NOMO3: variants seen among roughly 807,000 people sequenced by gnomAD.
NOMO3 encodes the protein NODAL modulator 3.
NOMO3 carries 15 observed loss-of-function variants against 69.9 expected under a neutral mutation model. That is an observed-to-expected ratio of 0.21 (90% CI 0.14 to 0.33). NOMO3 has a LOEUF of 0.33. Among genes scored for constraint, NOMO3 ranks in the 10% least tolerant of loss-of-function variants. NOMO3 has a pLI of 1.00. For missense variants in NOMO3, 218 were observed against 761.0 expected (o/e 0.29, Z 8.39); for synonymous variants, 89 against 301.9 (o/e 0.29, Z 7.31).
chr16:16,254,979 C>G (rs992264827), intron 9 of NOMO3, among the ~76,000 whole-genome samples: 1 of 143,732 alleles, frequency 7.0e-6, no homozygotes, highest in Non-Finnish European at 1.5e-5. Context: ...CTGGCACTAT[C>G]TTGGCTCACT....
At chr16:16,265,501 T>G (rs1254571593) in intron 15 of NOMO3, among the ~76,000 whole-genome samples, 1 of 137,230 alleles carries the variant, frequency 7.3e-6, no homozygotes, top group Non-Finnish European at 1.5e-5. Flanking sequence ...ATTTACTGCT[T>G]CTCAGCCTCA....
At chr16:16,254,657 CCATGAGGTAA>C (rs1338263455) in intron 9 of NOMO3, among the ~76,000 whole-genome samples, 4 of 143,056 alleles carry the variant, frequency 2.8e-5, no homozygotes, top group Non-Finnish European at 5.9e-5. Context: ...GTCCCTGTCT[CCATGAGGTAA>C]CATGCTAGTG....
intron 16 of NOMO3, among the ~76,000 whole-genome samples, chr16:16,269,133 C>T (rs1457399883): frequency 2.1e-5 from 3 of 144,094 alleles, no homozygotes; most frequent in Non-Finnish European, 3.0e-5. Flanking sequence ...CCTTCTTACC[C>T]ATCAGTTCAG....
chr16:16,244,264 T>C (rs1426866343), intron 4 of NOMO3, among the ~76,000 whole-genome samples: 1 of 142,028 alleles, frequency 7.0e-6, no homozygotes, highest in Non-Finnish European at 1.5e-5. Context: ...GGTAGTTTTT[T>C]CTTTATCGAT....
At position 16,232,827 on chromosome 16, in the gene NOMO3, T is replaced by A. The variant is rs2049293959; in HGVS notation, c.161T>A (p.Ile54Asn). The A allele has an allele frequency of 1.3e-5, 5 of 396,734 alleles. No individual in the cohort carries two copies. Among genetic ancestry groups the A allele is most frequent in the Non-Finnish European group, 1.8e-5 (5 of 281,546 alleles). 24.6% of individuals were successfully genotyped at this position (396,734 alleles called of 1,614,324 possible). ...KSDVEINYSLIEIKLYTKHGT... is the reference protein window; with the variant it reads ...KSDVEINYSLNEIKLYTKHGT... ...GACGTGGAGATCAACTACTCTCTCATCGAGGTGAGCGCCCGCCCCGCCGCC... is the reference window on the plus strand; with the variant it reads ...GACGTGGAGATCAACTACTCTCTCAACGAGGTGAGCGCCCGCCCCGCCGCC... Residue 54 changes from isoleucine (I) to asparagine (N), a missense_variant, in exon 1 of 31, where the codon ATC (isoleucine) becomes AAC (asparagine). Ile to Asn is a moderately radical substitution (Grantham distance 149). Coordinates refer to ENST00000399336, the MANE Select transcript of NOMO3 (RefSeq NM_001004067.4).
Position 16,250,113 on chromosome 16 carries a change from A to C in NOMO3, c.583-815A>C, listed in dbSNP as rs1392984688. ...CGGACAGAAAGTGGAAGTGAGGTACAGAAACAGTTGGATTGGTTACAGCTG... is the reference window on the plus strand; with the variant it reads ...CGGACAGAAAGTGGAAGTGAGGTACCGAAACAGTTGGATTGGTTACAGCTG... On this transcript the variant is annotated intron_variant, in intron 6 of 30. Transcript: ENST00000399336. Among the ~76,000 whole-genome samples, 2 of 130,356 alleles carry C rather than the reference A, an allele frequency of 1.5e-5. 1 individual carries two copies. The highest frequency in any genetic ancestry group is 3.1e-5 in the Non-Finnish European group (2 of 64,842). 85.5% of individuals were successfully genotyped at this position (130,356 alleles called of 152,430 possible).
chr16:16,263,736 A>G, intron 14 of NOMO3, 92 bp downstream of exon 14: 1 of 380,400 alleles, frequency 2.6e-6, no homozygotes, highest in South Asian at 2.4e-5. Context: ...TATCACGACC[A>G]TGTACCTTTC....
At chr16:16,248,395 CTTTTTTTTTT>C (rs1243080622) in intron 6 of NOMO3, among the ~76,000 whole-genome samples, 3 of 65,308 alleles carry the variant, frequency 4.6e-5, no homozygotes, top group Non-Finnish European at 8.9e-5. Flanking sequence ...CAGATACAGT[CTTTTTTTTTT>C]TTTTTTTTTT....
At chr16:16,234,728 AG>A (rs2049312238) in intron 1 of NOMO3, among the ~76,000 whole-genome samples, 1 of 150,330 alleles carries the variant, frequency 6.7e-6, no homozygotes, top group Non-Finnish European at 1.5e-5. Context: ...CCTTGTCCCC[AG>A]TGTGGATATA....
chr16:16,249,934 T>C (rs2049449130), intron 6 of NOMO3, among the ~76,000 whole-genome samples: 1 of 141,400 alleles, frequency 7.1e-6, no homozygotes, highest in African/African-American at 2.9e-5. Flanking sequence ...TATACACATA[T>C]TGTGAAAAGA....
intron 3 of NOMO3, among the ~76,000 whole-genome samples, chr16:16,241,500 G>A (rs935299778): frequency 3.2e-5 from 4 of 125,444 alleles, no homozygotes; most frequent in Non-Finnish European, 6.4e-5. Flanking sequence ...ACTTCTGCCC[G>A]GGTTCAAGCA....
At chr16:16,265,465 T>G (rs1465238723) in intron 15 of NOMO3, among the ~76,000 whole-genome samples, 1 of 138,436 alleles carries the variant, frequency 7.2e-6, no homozygotes, top group Non-Finnish European at 1.5e-5. Context: ...TTTATATTAT[T>G]AGTAATAATA....
At chr16:16,255,340 T>C (rs898060925) in intron 9 of NOMO3, among the ~76,000 whole-genome samples, 3 of 139,884 alleles carry the variant, frequency 2.1e-5, no homozygotes, top group Non-Finnish European at 4.5e-5. Flanking sequence ...TCATCCAAAG[T>C]GATGCCGGGG....
intron 9 of NOMO3, among the ~76,000 whole-genome samples, chr16:16,254,449 G>A (rs2049492896): frequency 7.1e-6 from 1 of 141,452 alleles, no homozygotes; most frequent in Non-Finnish European, 1.5e-5. Flanking sequence ...CCTGTCATGT[G>A]AGACCATCAC....
chr16:16,243,437 G>A (rs1314692417), intron 4 of NOMO3, among the ~76,000 whole-genome samples, 176 bp downstream of exon 4: 1 of 143,894 alleles, frequency 6.9e-6, no homozygotes. Context: ...CACAGCAGGT[G>A]TATTTAGGAA....
chr16:16,268,993 G>A (rs1298413649), intron 16 of NOMO3, among the ~76,000 whole-genome samples: 2 of 138,584 alleles, frequency 1.4e-5, no homozygotes, highest in African/African-American at 3.1e-5. Context: ...GGCTGAGCAC[G>A]TTGCCACCCT....
chr16:16,236,486 G>T (rs1174580456), intron 1 of NOMO3, among the ~76,000 whole-genome samples: 4 of 143,870 alleles, frequency 2.8e-5, no homozygotes, highest in Non-Finnish European at 5.9e-5. Flanking sequence ...GACCTTAAGT[G>T]ATCTGCCCAC....
rs1357158862 is a variant in NOMO3, at chr16:16,267,646, C to G, written c.1894+515C>G. The stretch of plus-strand genomic sequence containing the variant: ...GATGGGTTTCACCACATTGTCCAGG[C>G]TGGTCTCAAACTCCTGACCTAAAGT... On this transcript the variant is annotated intron_variant, in intron 16 of 30. Coordinates refer to ENST00000399336, the MANE Select transcript of NOMO3 (RefSeq NM_001004067.4). Among the ~76,000 whole-genome samples, 37 of 139,836 alleles carry G rather than the reference C, an allele frequency of 2.6e-4. 9 individuals carry two copies. The East Asian group carries it at 8.1e-3, about 31-fold the overall frequency. The allele number at this position is 139,836 out of a possible 152,430, so 91.7% of individuals were successfully genotyped here.
chr16:16,256,199 C>T (rs1425600243), intron 11 of NOMO3, 41 bp downstream of exon 11: 2 of 1,578,840 alleles, frequency 1.3e-6, no homozygotes, highest in African/African-American at 1.6e-5. Flanking sequence ...AGTAAATATG[C>T]TGGCAGCCAG....
Sources: gnomAD v4.1 joint callset for allele counts (sites outside exome capture counted in the v4.1 genomes callset) on GRCh38, gnomAD v4.1.1 for gene constraint, MANE v1.5 for transcripts, NCBI Gene and HGNC (gene_info 2026-07-23, HGNC 2026-07-21) for gene names.